Variants in LY96 observed in about 807,000 individuals in gnomAD.
The protein encoded by LY96 is lymphocyte antigen 96.
In LY96, 18 loss-of-function variants were observed where a neutral mutation model predicts 18.9. That is an observed-to-expected ratio of 0.95 (90% CI 0.66 to 1.41). LY96 has a LOEUF of 1.41. LY96 is among the 40% of genes most tolerant of loss of function. LY96 has a pLI of 0.00. For missense variants in LY96, 175 were observed against 182.4 expected (o/e 0.96, Z 0.23); for synonymous variants, 66 against 62.6 (o/e 1.06, Z -0.26).
chr8:74,040,184 T>C, the LY96 span, among the ~76,000 whole-genome samples: 1 of 152,260 alleles, frequency 6.6e-6, no homozygotes, highest in African/African-American at 2.4e-5. Context: ...TAAAAGCTAA[T>C]GATTAATAAT....
At chr8:74,023,735 G>A (rs763324525) in intron 3 of LY96, among the ~76,000 whole-genome samples, 1 of 152,280 alleles carries the variant, frequency 6.6e-6, no homozygotes, top group African/African-American at 2.4e-5. Context: ...ACCCTCTGGG[G>A]TTGAGCAGGG....
the LY96 span, among the ~76,000 whole-genome samples, chr8:74,084,122 G>T: frequency 1.3e-5 from 2 of 151,454 alleles, no homozygotes; most frequent in Admixed American, 6.6e-5. Context: ...TTGCTTCCTC[G>T]TGATGTTTAA....
downstream of LY96, among the ~76,000 whole-genome samples, chr8:74,033,750 A>G (rs913331180): frequency 6.6e-6 from 1 of 152,224 alleles, no homozygotes; most frequent in African/African-American, 2.4e-5. Context: ...AGAGCAATTA[A>G]GTGAAGAATG....
At chr8:74,064,185 G>A in the LY96 span, among the ~76,000 whole-genome samples, 1 of 152,032 alleles carries the variant, frequency 6.6e-6, no homozygotes, top group Admixed American at 6.6e-5. Context: ...TGATAATGAT[G>A]ACAATGTCCA....
At chr8:74,001,850 A>C (rs1008726652) in intron 1 of LY96, among the ~76,000 whole-genome samples, 8 of 152,064 alleles carry the variant, frequency 5.3e-5, no homozygotes, top group African/African-American at 1.7e-4. Context: ...AAAACAAACC[A>C]ACAAACAAAA....
At chr8:74,051,763 C>T in the LY96 span, among the ~76,000 whole-genome samples, 87 of 152,268 alleles carry the variant, frequency 5.7e-4, no homozygotes, top group Non-Finnish European at 8.4e-4. Context: ...ACGAGGTAGT[C>T]GGCCTTCAAC....
chr8:74,067,638 A>T, the LY96 span, among the ~76,000 whole-genome samples: 2 of 152,166 alleles, frequency 1.3e-5, no homozygotes, highest in African/African-American at 2.4e-5. Context: ...TCAGTAGCAG[A>T]ATTGTCAGAA....
At chr8:74,002,697 A>G (rs1330760779) in intron 1 of LY96, among the ~76,000 whole-genome samples, 1 of 151,196 alleles carries the variant, frequency 6.6e-6, no homozygotes, top group African/African-American at 2.4e-5. Flanking sequence ...TCAGCCTCCC[A>G]AGTAGCTAGG....
At chr8:74,016,582 G>A (rs1816646396) in intron 3 of LY96, among the ~76,000 whole-genome samples, 1 of 152,236 alleles carries the variant, frequency 6.6e-6, no homozygotes, top group African/African-American at 2.4e-5. Context: ...TGACCCCTGT[G>A]TAGCCTAACT....
chr8:74,074,588 A>C, the LY96 span, among the ~76,000 whole-genome samples: 1 of 152,042 alleles, frequency 6.6e-6, no homozygotes, highest in Admixed American at 6.6e-5. Flanking sequence ...AGTTAATTAC[A>C]TGATGTTTTT....
At chr8:74,037,125 T>A in the LY96 span, among the ~76,000 whole-genome samples, 1 of 152,150 alleles carries the variant, frequency 6.6e-6, no homozygotes, top group Non-Finnish European at 1.5e-5. Flanking sequence ...AGGTCAGCCA[T>A]GTGAAGTATT....
chr8:74,006,862 G>C lies in LY96; in HGVS notation c.202+1977G>C, dbSNP rs554987508. On this transcript the variant is annotated intron_variant, in intron 2 of 4. Coordinates refer to ENST00000284818, the MANE Select transcript of LY96 (RefSeq NM_015364.5). ...GTATCTTTCCAGGCCAAGATAATAA[G>C]ACAGTACGAAATCATTTAGAGTTCT... Among the ~76,000 whole-genome samples the C allele has an allele frequency of 2.6e-5, 4 of 152,274 alleles. No homozygotes were observed. The South Asian group carries it at 8.3e-4, about 32-fold the overall frequency.
the LY96 span, among the ~76,000 whole-genome samples, chr8:74,095,706 C>G: frequency 7.2e-5 from 11 of 152,204 alleles, no homozygotes; most frequent in African/African-American, 2.7e-4. Flanking sequence ...TACATCTTCC[C>G]AGATGCTTGC....
chr8:74,030,226 A>G (rs1235855172), downstream of LY96, among the ~76,000 whole-genome samples: 1 of 152,166 alleles, frequency 6.6e-6, no homozygotes, highest in African/African-American at 2.4e-5. Flanking sequence ...AATTTACATT[A>G]AAAAGGCTGG....
chr8:74,008,040 G>T (rs1445878565), intron 2 of LY96, among the ~76,000 whole-genome samples: 1 of 152,186 alleles, frequency 6.6e-6, no homozygotes, highest in Non-Finnish European at 1.5e-5. Context: ...GATTACAGGC[G>T]TGAGCCACCG....
chr8:74,057,408 G>A, the LY96 span, among the ~76,000 whole-genome samples: 1 of 152,200 alleles, frequency 6.6e-6, no homozygotes, highest in Non-Finnish European at 1.5e-5. Context: ...ATATCATGAT[G>A]TTCTTATAAA....
the LY96 span, among the ~76,000 whole-genome samples, chr8:74,043,603 A>G: frequency 6.6e-6 from 1 of 152,192 alleles, no homozygotes; most frequent in African/African-American, 2.4e-5. Context: ...AATTGGCCTT[A>G]TCTGCTTCAG....
At chr8:74,084,189 G>T in the LY96 span, among the ~76,000 whole-genome samples, 1 of 152,116 alleles carries the variant, frequency 6.6e-6, no homozygotes, top group Non-Finnish European at 1.5e-5. Flanking sequence ...TAAACATTTA[G>T]CTTGAGTTTA....
the LY96 span, among the ~76,000 whole-genome samples, chr8:74,089,794 G>A: frequency 2.0e-5 from 3 of 152,254 alleles, no homozygotes; most frequent in South Asian, 2.1e-4. Context: ...GTGCTGTTAT[G>A]ATTTCAGGAA....
Sources: allele counts gnomAD v4.1 joint callset (sites outside exome capture counted in the v4.1 genomes callset), GRCh38; gene constraint gnomAD v4.1.1; transcripts MANE v1.5; gene names NCBI Gene and HGNC (gene_info 2026-07-23, HGNC 2026-07-21).